The following JARID2 variants were observed in gnomAD, a reference collection of about 807,000 sequenced individuals.
JARID2 encodes jumonji and AT-rich interaction domain containing 2.
Under a neutral mutation model 125.6 loss-of-function variants are expected in JARID2, and 21 were observed. The observed-to-expected ratio is 0.17, with a 90% confidence interval of 0.12 to 0.24. The LOEUF is 0.24. Ranked by LOEUF, JARID2 falls within the 10% of genes least tolerant of loss-of-function variation. The pLI is 1.00. For missense variants in JARID2, 1,303 were observed against 1,639.6 expected, an observed-to-expected ratio of 0.79 and a Z score of 3.55; for synonymous variants, 736 against 661.6, an observed-to-expected ratio of 1.11 and a Z score of -1.73.
At chr6:15,420,671 C>T (rs930445938) in intron 3 of JARID2, among the ~76,000 whole-genome samples, 2 of 152,104 alleles carry the variant, frequency 1.3e-5, no homozygotes, top group African/African-American at 2.4e-5. Context: ...GGGAAATGTT[C>T]GTATTTCTCT....
chr6:15,258,709 G>A (rs1326917017), intron 1 of JARID2, among the ~76,000 whole-genome samples: 2 of 152,176 alleles, frequency 1.3e-5, no homozygotes, highest in Non-Finnish European at 2.9e-5. Flanking sequence ...TTGAACCCAG[G>A]AGGCAGAGGT....
intron 2 of JARID2, among the ~76,000 whole-genome samples, chr6:15,399,249 G>A (rs1227975612): frequency 1.3e-5 from 2 of 152,106 alleles, no homozygotes; most frequent in Non-Finnish European, 2.9e-5. Context: ...GTATATTGAG[G>A]TTACCCCACC....
chr6:15,374,166 T>C lies in JARID2; in HGVS notation c.95T>C (p.Val32Ala). 6.2e-7 allele frequency: 1 copy of C among 1,614,128 alleles called. No homozygotes were observed. The highest frequency in any genetic ancestry group is 8.5e-7 in the Non-Finnish European group (1 of 1,179,986). ...PWSEERVVRK[V>A]LYLSLKEFKN... ...TCAGAAGAACGGGTGGTACGTAAAG[T>C]CCTTTATTTGTCTCTGAAGGAGTTC... is the stretch of plus-strand genomic sequence containing the variant. The change falls in exon 2 of 18, where the codon GTC (valine) becomes GCC (alanine). Residue 32 changes from valine to alanine, a missense_variant. Around this residue, in one of 11 missense-constraint regions of JARID2, gnomAD observed 93 missense variants for 120.4 expected, o/e 0.77. Coordinates refer to ENST00000341776, the MANE Select transcript of JARID2 (RefSeq NM_004973.4).
chr6:15,372,789 C>T (rs1300823653), intron 1 of JARID2, among the ~76,000 whole-genome samples: 5 of 151,942 alleles, frequency 3.3e-5, no homozygotes, highest in Admixed American at 2.6e-4. Context: ...AGCTCACTGC[C>T]ACCTTTCCCT....
intron 2 of JARID2, among the ~76,000 whole-genome samples, chr6:15,390,485 G>T (rs1050797355): frequency 6.6e-6 from 1 of 152,124 alleles, no homozygotes; most frequent in Non-Finnish European, 1.5e-5. Context: ...GAATTCCAAG[G>T]GAATAGGTTA....
At position 15,265,514 on chromosome 6, in the gene JARID2, T is replaced by TTTGGCTC. The variant is rs544924497; in HGVS notation, c.45+18932_45+18938dup. Among the ~76,000 whole-genome samples the TTTGGCTC allele has an allele frequency of 2.0e-3, 311 of 152,162 alleles. 2 individuals carry two copies. The highest frequency in any genetic ancestry group is 7.1e-3 in the African/African-American group (294 of 41,512). On this transcript the variant is annotated intron_variant, in intron 1 of 17. Transcript: ENST00000341776. ...AATATCTGTGCAGTAACATTCCAGATTTGGCTCTGTGAGATTTATTTTGTG... is the reference window on the plus strand; with the variant it reads ...AATATCTGTGCAGTAACATTCCAGATTTGGCTCTTGGCTCTGTGAGATTTATTTTGTG...
At chr6:15,304,318 C>G (rs1029868779) in intron 1 of JARID2, among the ~76,000 whole-genome samples, 5 of 90,828 alleles carry the variant, frequency 5.5e-5, no homozygotes, top group African/African-American at 1.9e-4. Flanking sequence ...CCCCCCCCCC[C>G]GCCCACCCAC....
At chr6:15,362,132 G>GCC (rs375583648) in intron 1 of JARID2, among the ~76,000 whole-genome samples, 159 of 150,346 alleles carry the variant, frequency 1.1e-3, no homozygotes, top group African/African-American at 3.8e-3. Flanking sequence ...GGTGATCTGC[G>GCC]CCCCCCCCGC....
At chr6:15,409,100 ATTCAGAATGTTTATGTAT>A (rs1359419590) in intron 2 of JARID2, among the ~76,000 whole-genome samples, 3 of 152,252 alleles carry the variant, frequency 2.0e-5, no homozygotes, top group Non-Finnish European at 4.4e-5. Flanking sequence ...TACTATGTTC[ATTCAGAATGTTTATGTAT>A]TTTTTAATCA....
intron 1 of JARID2, among the ~76,000 whole-genome samples, chr6:15,260,864 T>C (rs1278477729): frequency 6.6e-6 from 1 of 152,224 alleles, no homozygotes; most frequent in Non-Finnish European, 1.5e-5. Context: ...CTTGCTCTAA[T>C]TAAGCGATGT....
At chr6:15,340,232 G>A (rs1306414991) in intron 1 of JARID2, among the ~76,000 whole-genome samples, 1 of 152,190 alleles carries the variant, frequency 6.6e-6, no homozygotes, top group Non-Finnish European at 1.5e-5. Flanking sequence ...GGGTGCCTTT[G>A]AAGTGCTGAG....
chr6:15,272,686 C>T (rs913584511), intron 1 of JARID2, among the ~76,000 whole-genome samples: 3 of 152,148 alleles, frequency 2.0e-5, no homozygotes, highest in African/African-American at 7.2e-5. Context: ...TTTCACTATC[C>T]TGGAAGGTGG....
intron 11 of JARID2, among the ~76,000 whole-genome samples, chr6:15,507,999 G>A (rs867992609): frequency 2.0e-5 from 3 of 152,244 alleles, no homozygotes; most frequent in Non-Finnish European, 4.4e-5. Flanking sequence ...CCTGATGGGG[G>A]TTTTTGGGTT....
intron 2 of JARID2, among the ~76,000 whole-genome samples, chr6:15,375,024 G>A (rs570943734): frequency 6.6e-6 from 1 of 152,342 alleles, no homozygotes; most frequent in African/African-American, 2.4e-5. Flanking sequence ...AGCAGGTTCT[G>A]TTCTTTTTTG....
intron 2 of JARID2, among the ~76,000 whole-genome samples, chr6:15,391,850 G>T (rs1437311195): frequency 6.6e-6 from 1 of 152,194 alleles, no homozygotes; most frequent in Non-Finnish European, 1.5e-5. Flanking sequence ...TGGCTTTGGG[G>T]TGTTGAAGGC....
At chr6:15,507,557 G>A (rs1414302584) in intron 11 of JARID2, 141 bp downstream of exon 11, 6 of 655,376 alleles carry the variant, frequency 9.2e-6, no homozygotes, top group Non-Finnish European at 1.3e-5. Flanking sequence ...AGTGAAAATT[G>A]ATTTTTAGAA....
Position 15,309,550 on chromosome 6 carries a change from A to G in JARID2, c.45+62966A>G, listed in dbSNP as rs73361557. Reference sequence around the variant, plus strand: ...TGGTAGCAAGAATGTTGACTGACATAAAATAAGTGAAAAAAGCAAGTGAGA... The same window carrying G: ...TGGTAGCAAGAATGTTGACTGACATGAAATAAGTGAAAAAAGCAAGTGAGA... On this transcript the variant is annotated intron_variant, in intron 1 of 17. Coordinates refer to ENST00000341776, the MANE Select transcript of JARID2 (RefSeq NM_004973.4). 3.5e-3 allele frequency among the ~76,000 whole-genome samples: 532 copies of G among 152,276 alleles called. 5 individuals carry two copies. Among genetic ancestry groups the G allele is most frequent in the African/African-American group, 0.013 (520 of 41,536 alleles).
chr6:15,497,645 CG>C (rs1561906412), intron 7 of JARID2, among the ~76,000 whole-genome samples: 1 of 72,984 alleles, frequency 1.4e-5, no homozygotes, highest in African/African-American at 5.0e-5. Context: ...AGTGAGATTC[CG>C]TCTCAAAAAA....
At chr6:15,276,282 C>A (rs941657142) in intron 1 of JARID2, among the ~76,000 whole-genome samples, 3 of 152,202 alleles carry the variant, frequency 2.0e-5, no homozygotes, top group African/African-American at 7.2e-5. Flanking sequence ...CAGGTTAATG[C>A]AAATCCATCA....
Sources: allele counts gnomAD v4.1 joint callset (sites outside exome capture counted in the v4.1 genomes callset), GRCh38; gene constraint gnomAD v4.1.1; regional missense constraint gnomAD v4.1.1; transcripts MANE v1.5; gene names NCBI Gene and HGNC (gene_info 2026-07-23, HGNC 2026-07-21).